ELMO1: variants seen among roughly 807,000 people sequenced by gnomAD.
ELMO1 encodes the protein engulfment and cell motility protein 1.
In ELMO1, 26 loss-of-function variants were observed where a neutral mutation model predicts 98.9. That is an observed-to-expected ratio of 0.26 (90% CI 0.19 to 0.36). ELMO1 has a LOEUF of 0.36. Ranked by LOEUF, ELMO1 falls within the 10% of genes least tolerant of loss-of-function variation. The pLI is 1.00. For missense variants in ELMO1, 627 were observed against 935.2 expected (o/e 0.67, Z 4.30); for synonymous variants, 346 against 346.0 (o/e 1.00, Z 0.00).
In ELMO1 at chr7:36,870,573, A is replaced by G. The variant is rs1353999403; in HGVS notation, c.1823-98T>C. ...AAGCACTGGGTCCGCTACTGTGGTT[A>G]CCATTCCCAGAAACTACTGCAAAAA... On this transcript the variant is annotated intron_variant, in intron 19 of 21. Coordinates refer to ENST00000310758, the MANE Select transcript of ELMO1 (RefSeq NM_014800.11). This position sits in a 1 kb window ranked among gnomAD's most constrained non-coding sequence, Gnocchi z 4.4. 1.8e-6 allele frequency: 2 copies of G among 1,133,688 alleles called. No homozygotes were observed. The highest frequency in any genetic ancestry group is 2.5e-5 in the Admixed American group (1 of 39,832). The allele number at this position is 1,133,688 out of a possible 1,614,324, so 70.2% of individuals were successfully genotyped here. A position where few individuals can be genotyped will look rare whatever the true frequency, so the allele number is the denominator to read the frequency against.
chr7:37,101,991 C>A lies in ELMO1; in HGVS notation c.1192-5264G>T, dbSNP rs554842041. 1.3e-3 allele frequency among the ~76,000 whole-genome samples: 198 copies of A among 152,266 alleles called. 1 individual carries two copies. The highest frequency in any genetic ancestry group is 4.7e-3 in the African/African-American group (194 of 41,554). The stretch of plus-strand genomic sequence containing the variant: ...ATCTGTTTCCTGACCCATTGGAGAT[C>A]TTCTCCCATACTAAATCAACAAATA... On this transcript the variant is annotated intron_variant, in intron 14 of 21. Coordinates refer to ENST00000310758, the MANE Select transcript of ELMO1 (RefSeq NM_014800.11).
chr7:37,185,176 T>G lies in ELMO1; in HGVS notation c.1086+26210A>C, dbSNP rs1300044884. ...GGATCGACAGATTAAGTTGAATTTG[T>G]GGTCAATCTTTATTCTTAGCAGAGC... is the stretch of plus-strand genomic sequence containing the variant. On this transcript the variant is annotated intron_variant, in intron 13 of 21. Transcript: ENST00000310758. Among the ~76,000 whole-genome samples, 3 of 152,358 alleles carry G rather than the reference T, an allele frequency of 2.0e-5. No individual in the cohort carries two copies. The East Asian group carries it at 5.8e-4, about 29-fold the overall frequency.
Position 37,008,789 on chromosome 7 carries a change from C to T in ELMO1, c.1437+4510G>A, listed in dbSNP as rs558206996. Among the ~76,000 whole-genome samples, 473 of 152,246 alleles carry T rather than the reference C, an allele frequency of 3.1e-3. 3 individuals carry two copies. The highest frequency in any genetic ancestry group is 5.3e-3 in the Non-Finnish European group (361 of 68,018). ...CAACAAGCATCCTACTCCATCAATG[C>T]ACGAAATTTACAGTAGCTTGTGATA... On this transcript the variant is annotated intron_variant, in intron 16 of 21. Coordinates refer to ENST00000310758, the MANE Select transcript of ELMO1 (RefSeq NM_014800.11).
chr7:37,408,776 C>G (rs780086932), intron 1 of ELMO1, among the ~76,000 whole-genome samples: 1 of 152,006 alleles, frequency 6.6e-6, no homozygotes, highest in African/African-American at 2.4e-5. Flanking sequence ...AAGGGGAAGT[C>G]GTTTTTCAGT....
At chr7:37,031,803 C>A (rs1316537619) in intron 15 of ELMO1, among the ~76,000 whole-genome samples, 5 of 152,170 alleles carry the variant, frequency 3.3e-5, no homozygotes, top group African/African-American at 4.8e-5. Context: ...TCACCACATT[C>A]AAAAATTATT....
At chr7:37,238,623 T>C (rs1009165875) in intron 7 of ELMO1, among the ~76,000 whole-genome samples, 2 of 152,230 alleles carry the variant, frequency 1.3e-5, no homozygotes, top group Non-Finnish European at 2.9e-5. Flanking sequence ...CATATTTGCC[T>C]TATTCTCAGT....
intron 13 of ELMO1, among the ~76,000 whole-genome samples, chr7:37,164,003 T>A (rs560891426): frequency 6.6e-6 from 1 of 152,326 alleles, no homozygotes; most frequent in Admixed American, 6.5e-5. Context: ...GCACTTGTTG[T>A]TTCCTGACTT....
rs568806847 is a variant in ELMO1, at chr7:37,350,960, G to GTGT, written c.-73-8198_-73-8197insACA. Among the ~76,000 whole-genome samples the GTGT allele has an allele frequency of 2.7e-3, 408 of 152,254 alleles. 2 individuals are homozygous for GTGT. The highest frequency in any genetic ancestry group is 8.9e-3 in the African/African-American group (370 of 41,550). ...CCTTGATCTCTGACTTCTAGCCTCC[G>GTGT]TAACAGTGAGAAAACCCATTTCTGT... On this transcript the variant is annotated intron_variant, in intron 1 of 21. Transcript: ENST00000310758.
chr7:37,197,343 A>G (rs573365920), intron 13 of ELMO1: 1 of 152,366 alleles, frequency 6.6e-6, no homozygotes, highest in South Asian at 2.1e-4. Context: ...CTTCCTACAC[A>G]TACAAAATGC....
intron 7 of ELMO1, among the ~76,000 whole-genome samples, chr7:37,236,370 T>C (rs1483881824): frequency 1.3e-5 from 2 of 152,216 alleles, no homozygotes; most frequent in African/African-American, 4.8e-5. Flanking sequence ...AATAGAGCTA[T>C]ATGTGCTTCT....
intron 15 of ELMO1, among the ~76,000 whole-genome samples, chr7:37,091,135 T>G (rs1308944062): frequency 6.6e-6 from 1 of 152,146 alleles, no homozygotes; most frequent in African/African-American, 2.4e-5. Context: ...GAGGCAGAGT[T>G]TCATTCTTGT....
intron 13 of ELMO1, among the ~76,000 whole-genome samples, chr7:37,163,973 A>G (rs759081362): frequency 2.3e-4 from 35 of 152,256 alleles, no homozygotes; most frequent in Non-Finnish European, 4.1e-4. Flanking sequence ...TAGTGTTCCT[A>G]TTTCTCCACA....
At chr7:37,026,262 CA>C (rs1168596663) in intron 15 of ELMO1, among the ~76,000 whole-genome samples, 2 of 152,148 alleles carry the variant, frequency 1.3e-5, no homozygotes, top group Non-Finnish European at 2.9e-5. Flanking sequence ...ACTGAAGACC[CA>C]GTAAGAACTG....
At chr7:37,170,891 G>A (rs1438241427) in intron 13 of ELMO1, among the ~76,000 whole-genome samples, 2 of 152,122 alleles carry the variant, frequency 1.3e-5, no homozygotes, top group Non-Finnish European at 2.9e-5. Flanking sequence ...ACAGGTGTGG[G>A]CACCATGCCT....
chr7:36,989,724 G>A (rs1791746876), intron 16 of ELMO1, among the ~76,000 whole-genome samples: 1 of 152,124 alleles, frequency 6.6e-6, no homozygotes, highest in East Asian at 1.9e-4. Context: ...GCACAGTCTG[G>A]TGCTTGGTAG....
chr7:37,209,809 A>G (rs1375782395), intron 13 of ELMO1, among the ~76,000 whole-genome samples: 1 of 152,170 alleles, frequency 6.6e-6, no homozygotes, highest in Non-Finnish European at 1.5e-5. Flanking sequence ...AAGTACAGGA[A>G]ACTCACCCGC....
intron 1 of ELMO1, among the ~76,000 whole-genome samples, chr7:37,374,026 G>T (rs1458870034): frequency 6.6e-6 from 1 of 152,204 alleles, no homozygotes; most frequent in African/African-American, 2.4e-5. Flanking sequence ...TTAACTAGAG[G>T]TAGGGTGTGG....
At chr7:36,951,756 G>C (rs10233832) in intron 16 of ELMO1, among the ~76,000 whole-genome samples, 3 of 151,966 alleles carry the variant, frequency 2.0e-5, no homozygotes, top group Non-Finnish European at 4.4e-5. Context: ...CACTTCTTAC[G>C]CTTGAGACCA....
At chr7:36,906,586 G>A (rs956076189) in intron 16 of ELMO1, among the ~76,000 whole-genome samples, 6 of 152,166 alleles carry the variant, frequency 3.9e-5, no homozygotes, top group African/African-American at 1.2e-4. Flanking sequence ...GAGGTGCTGG[G>A]AGCAGAGAGA....
Sources: allele counts gnomAD v4.1 joint callset (sites outside exome capture counted in the v4.1 genomes callset), GRCh38; gene constraint gnomAD v4.1.1; non-coding constraint Gnocchi (gnomAD v3.1); transcripts MANE v1.5; gene names NCBI Gene and HGNC (gene_info 2026-07-23, HGNC 2026-07-21).